Variants in SCRN1 observed in about 807,000 individuals in gnomAD.
The protein encoded by SCRN1 is secernin 1.
In SCRN1, 19 loss-of-function variants were observed where a neutral mutation model predicts 43.3. That is an observed-to-expected ratio of 0.44 (90% CI 0.31 to 0.64). SCRN1 has a LOEUF of 0.64. Ranked by LOEUF, SCRN1 falls within the 30% of genes least tolerant of loss-of-function variation. The probability of loss-of-function intolerance (pLI) is 0.09; values close to 1 mark genes in which losing one functional copy is unlikely to be tolerated. For missense variants in SCRN1, 447 were observed against 524.1 expected (o/e 0.85, Z 1.44); for synonymous variants, 183 against 188.9 (o/e 0.97, Z 0.26).
At chr7:29,949,584 C>T (rs1787850411) in intron 3 of SCRN1, among the ~76,000 whole-genome samples, 1 of 151,932 alleles carries the variant, frequency 6.6e-6, no homozygotes, top group Admixed American at 6.6e-5. Context: ...ACCATGTTGC[C>T]CAGGCTGGTC....
At chr7:29,926,105 A>G (rs1786942267) in intron 7 of SCRN1, among the ~76,000 whole-genome samples, 2 of 152,208 alleles carry the variant, frequency 1.3e-5, no homozygotes, top group Admixed American at 1.3e-4. Flanking sequence ...TTTACCCCCA[A>G]AAGTACATAA....
intron 1 of SCRN1, among the ~76,000 whole-genome samples, chr7:29,973,615 T>C (rs1788727615): frequency 6.6e-6 from 1 of 152,232 alleles, no homozygotes; most frequent in African/African-American, 2.4e-5. Flanking sequence ...TCAAGTACTT[T>C]AGTGTCTATT....
chr7:29,948,468 C>T (rs932647993), intron 3 of SCRN1, among the ~76,000 whole-genome samples: 1 of 152,258 alleles, frequency 6.6e-6, no homozygotes, highest in African/African-American at 2.4e-5. Context: ...CACCTGAGTC[C>T]TCACATTCAC....
At chr7:29,928,543 G>A (rs978419483) in intron 6 of SCRN1, among the ~76,000 whole-genome samples, 1 of 152,200 alleles carries the variant, frequency 6.6e-6, no homozygotes, top group Non-Finnish European at 1.5e-5. Context: ...TTGAGGACTA[G>A]TGTCAGGTAC....
intron 1 of SCRN1, among the ~76,000 whole-genome samples, chr7:29,973,330 T>C (rs1219687062): frequency 6.6e-6 from 1 of 152,212 alleles, no homozygotes; most frequent in Non-Finnish European, 1.5e-5. Context: ...AATTCCTCTA[T>C]TTCCTAAATG....
At chr7:29,928,143 A>G (rs569644544) in intron 6 of SCRN1, among the ~76,000 whole-genome samples, 1 of 152,278 alleles carries the variant, frequency 6.6e-6, no homozygotes, top group African/African-American at 2.4e-5. Flanking sequence ...AAACAGACAA[A>G]GAAAAACTAT....
chr7:29,954,749 C>G (rs987353252), intron 3 of SCRN1, among the ~76,000 whole-genome samples: 1 of 152,176 alleles, frequency 6.6e-6, no homozygotes, highest in Non-Finnish European at 1.5e-5. Flanking sequence ...GACATGATCT[C>G]GGCTCACTGC....
chr7:29,969,341 G>A (rs965803734), intron 1 of SCRN1: 2 of 448,996 alleles, frequency 4.5e-6, no homozygotes, highest in Non-Finnish European at 8.2e-6. Context: ...AGTGATGTGG[G>A]AGAAAGGAAA....
chr7:29,963,379 A>G (rs1440077562), intron 2 of SCRN1, among the ~76,000 whole-genome samples: 1 of 152,190 alleles, frequency 6.6e-6, no homozygotes, highest in Non-Finnish European at 1.5e-5. Flanking sequence ...TGGAAGGATA[A>G]ACAGGAGTCT....
chr7:29,921,237 A>G lies in SCRN1; in HGVS notation c.*2720T>C, dbSNP rs984460245. The G allele has an allele frequency of 1.3e-5, 2 of 152,624 alleles. No individual in the cohort carries two copies. Among genetic ancestry groups the G allele is most frequent in the African/African-American group, 2.4e-5 (1 of 41,454 alleles). The allele number at this position is 152,624 out of a possible 1,614,324, so 9.5% of individuals were successfully genotyped here. ...GGGTTTCCTAGGAAGCTACTTATAC[A>G]CTATGACCCTTAAACATAATTTTTG... is the stretch of plus-strand genomic sequence containing the variant. On this transcript the variant is annotated 3_prime_UTR_variant, in exon 8 of 8. Coordinates refer to ENST00000242059, the MANE Select transcript of SCRN1 (RefSeq NM_014766.5).
At chr7:29,945,026 C>T (rs981074489) in intron 3 of SCRN1, among the ~76,000 whole-genome samples, 9 of 152,184 alleles carry the variant, frequency 5.9e-5, no homozygotes, top group African/African-American at 1.4e-4. Flanking sequence ...GTTGTCCTGT[C>T]TCTGTCTCAG....
Position 29,922,593 on chromosome 7 carries a change from G to T in SCRN1, c.*1364C>A, listed in dbSNP as rs1195385139. ...CCGTTTCAGGAGTAGCTGAGAGCTT[G>T]AATAGGTGGCGGTAAGCTCCCACCA... On this transcript the variant is annotated 3_prime_UTR_variant, in exon 8 of 8. Transcript: ENST00000242059. The T allele has an allele frequency of 6.6e-6, 1 of 152,292 alleles. No homozygotes were observed. The highest frequency in any genetic ancestry group is 2.4e-5 in the African/African-American group (1 of 41,462). The allele number at this position is 152,292 out of a possible 1,614,324, so 9.4% of individuals were successfully genotyped here.
chr7:29,962,681 G>A (rs997386738), intron 2 of SCRN1, among the ~76,000 whole-genome samples: 1 of 149,186 alleles, frequency 6.7e-6, no homozygotes, highest in Non-Finnish European at 1.5e-5. Flanking sequence ...GAGTGAGACT[G>A]TCTCAAACAT....
In SCRN1 at chr7:29,922,945, T is replaced by G. The variant is rs1306203601; in HGVS notation, c.*1012A>C. On this transcript the variant is annotated 3_prime_UTR_variant, in exon 8 of 8. Coordinates refer to ENST00000242059, the MANE Select transcript of SCRN1 (RefSeq NM_014766.5). ...CAAATCAGTTTAATTAAAGTCTCTC[T>G]GCTGAGATAATGTAGTGACTGCTAG... is the stretch of plus-strand genomic sequence containing the variant. 2 of 152,270 alleles carry G rather than the reference T, an allele frequency of 1.3e-5. No homozygotes were observed. Among genetic ancestry groups the G allele is most frequent in the Non-Finnish European group, 2.9e-5 (2 of 68,058 alleles). The allele number at this position is 152,270 out of a possible 1,614,324, so 9.4% of individuals were successfully genotyped here. A position where few individuals can be genotyped will look rare whatever the true frequency, so the allele number is the denominator to read the frequency against.
chr7:29,939,043 A>G lies in SCRN1; in HGVS notation c.739+1639T>C, dbSNP rs186404420. 5.9e-3 allele frequency among the ~76,000 whole-genome samples: 896 copies of G among 152,240 alleles called. 6 individuals carry two copies. The highest frequency in any genetic ancestry group is 1.0e-2 in the Non-Finnish European group (677 of 68,006). ...GTTGATGTTTTGGCAACATTATTTA[A>G]TATCTTTCACCAAGCTAGTTTTTTT... On this transcript the variant is annotated intron_variant, in intron 5 of 7. Coordinates refer to ENST00000242059, the MANE Select transcript of SCRN1 (RefSeq NM_014766.5).
intron 4 of SCRN1, among the ~76,000 whole-genome samples, chr7:29,942,696 G>C (rs1279354471): frequency 6.6e-6 from 1 of 152,182 alleles, no homozygotes; most frequent in Non-Finnish European, 1.5e-5. Context: ...CACACTGGTA[G>C]GTGGGTACAT....
chr7:29,985,397 ACT>A (rs1789118437), intron 1 of SCRN1, among the ~76,000 whole-genome samples: 1 of 115,778 alleles, frequency 8.6e-6, no homozygotes, highest in Non-Finnish European at 1.9e-5. Context: ...ACAGAGTGAG[ACT>A]CTGTCTCAAA....
intron 3 of SCRN1, among the ~76,000 whole-genome samples, chr7:29,952,694 A>G (rs12531533): frequency 2.0e-5 from 3 of 148,828 alleles, no homozygotes; most frequent in East Asian, 2.0e-4. Context: ...AAAAAAAAAA[A>G]AGAGAGAGAG....
At chr7:29,952,761 T>G (rs1787994771) in intron 3 of SCRN1, among the ~76,000 whole-genome samples, 1 of 151,922 alleles carries the variant, frequency 6.6e-6, no homozygotes, top group East Asian at 1.9e-4. Context: ...TGGTATGAAA[T>G]GACCCTTCAA....
Sources: allele counts gnomAD v4.1 joint callset (sites outside exome capture counted in the v4.1 genomes callset), GRCh38; gene constraint gnomAD v4.1.1; transcripts MANE v1.5; gene names NCBI Gene and HGNC (gene_info 2026-07-23, HGNC 2026-07-21).